Variants in ATXN7 observed in about 807,000 individuals in gnomAD.
ATXN7 encodes the protein ataxin 7, also known as ataxin-7.
A neutral mutation model predicts 70.5 loss-of-function variants in ATXN7; 12 were observed. The ratio of observed to expected loss-of-function variants is 0.17; its 90% CI spans 0.11 to 0.28. The LOEUF (loss-of-function observed/expected upper bound fraction) is 0.28, where lower values mean the gene tolerates loss of function less well. Among genes scored for constraint, ATXN7 ranks in the 10% least tolerant of loss-of-function variants. The pLI, the probability that ATXN7 is intolerant of heterozygous loss-of-function variation, is 1.00. For synonymous variants in ATXN7, 498 were observed against 448.7 expected (o/e 1.11, Z -1.39); for missense variants, 1,256 against 1,131.7 (o/e 1.11, Z -1.58).
chr3:63,954,914 G>A (rs971866385), intron 5 of ATXN7, among the ~76,000 whole-genome samples: 4 of 151,842 alleles, frequency 2.6e-5, no homozygotes, highest in Non-Finnish European at 5.9e-5. Flanking sequence ...TCACCATGTT[G>A]GCCAGGCTGG....
chr3:63,990,145 C>T (rs1447964145), intron 9 of ATXN7, 31 bp from the exon 10 acceptor site: 2 of 1,606,870 alleles, frequency 1.2e-6, no homozygotes, highest in Admixed American at 3.3e-5. Context: ...GGTGTGTGAT[C>T]TGATCCGTGC....
At chr3:63,922,256 GGT>G (rs1559633183) in intron 4 of ATXN7, among the ~76,000 whole-genome samples, 2 of 151,962 alleles carry the variant, frequency 1.3e-5, no homozygotes, top group Non-Finnish European at 2.9e-5. Flanking sequence ...TGCCCAGGCT[GGT>G]CTCAAACTCT....
At position 64,002,813 on chromosome 3, in the gene ATXN7, C is replaced by T. The variant is rs910179182; in HGVS notation, c.*3346C>T. 6.6e-6 allele frequency: 1 copy of T among 152,096 alleles called. No homozygotes were observed. The highest frequency in any genetic ancestry group is 2.4e-5 in the African/African-American group (1 of 41,406). 9.4% of individuals were successfully genotyped at this position (152,096 alleles called of 1,614,324 possible). Reference sequence around the variant, plus strand: ...GATTGCCTGGTGGCACCAAGGGTTACAGATCTTTTTGTCAGCCAGCAACTT... The same window carrying T: ...GATTGCCTGGTGGCACCAAGGGTTATAGATCTTTTTGTCAGCCAGCAACTT... On this transcript the variant is annotated 3_prime_UTR_variant, in exon 13 of 13. Coordinates refer to ENST00000674280, the MANE Select transcript of ATXN7 (RefSeq NM_001377405.1).
intron 11 of ATXN7, chr3:63,991,080 A>G: frequency 1.7e-6 from 1 of 593,866 alleles, no homozygotes; most frequent in Non-Finnish European, 2.9e-6. Context: ...GGACTCCCAC[A>G]TGTATGGAGC....
chr3:63,982,570 A>G, intron 7 of ATXN7, 125 bp downstream of exon 7: 3 of 856,018 alleles, frequency 3.5e-6, no homozygotes, highest in Non-Finnish European at 5.3e-6. Flanking sequence ...TTTAGGAGGA[A>G]GTTCCTTAGT....
At chr3:63,950,185 A>G (rs1368859490) in intron 4 of ATXN7, among the ~76,000 whole-genome samples, 1 of 152,234 alleles carries the variant, frequency 6.6e-6, no homozygotes, top group East Asian at 1.9e-4. Context: ...GCAAAAAAGA[A>G]TAATTTTGTA....
chr3:63,947,311 C>A (rs564342225), intron 4 of ATXN7, among the ~76,000 whole-genome samples: 2 of 152,206 alleles, frequency 1.3e-5, no homozygotes, highest in East Asian at 3.9e-4. Context: ...GCTGGCCAGG[C>A]GCAGTAGCTC....
At chr3:63,975,100 A>G (rs1287607126) in intron 5 of ATXN7, among the ~76,000 whole-genome samples, 1 of 152,192 alleles carries the variant, frequency 6.6e-6, no homozygotes, top group Non-Finnish European at 1.5e-5. Flanking sequence ...AAATTTCAAC[A>G]TGTTCGAATT....
chr3:63,892,951 T>C (rs892146174), intron 1 of ATXN7, among the ~76,000 whole-genome samples: 7 of 152,140 alleles, frequency 4.6e-5, no homozygotes, highest in Non-Finnish European at 8.8e-5. Context: ...CAAGGAGGCA[T>C]GAACAACAGG....
At chr3:63,863,495 C>G, upstream of ATXN7, 1 of 1,179,374 alleles carries the variant, frequency 8.5e-7, no homozygotes, top group Non-Finnish European at 1.0e-6. Flanking sequence ...GACCACGCTC[C>G]CGGCACACCC....
chr3:63,881,043 T>C (rs181778302), intron 1 of ATXN7, among the ~76,000 whole-genome samples: 1 of 152,340 alleles, frequency 6.6e-6, no homozygotes, highest in Non-Finnish European at 1.5e-5. Flanking sequence ...ATCTGTAGAA[T>C]GGGAATAATG....
Position 63,988,181 on chromosome 3 carries a change from A to G in ATXN7, c.1218A>G (p.Gln406=). ...TGATTCGCCATCCGGACTCTCAGCA[A>G]CCACCGCAGCCTCTCAGGGACCCGC... is the stretch of plus-strand genomic sequence containing the variant. ...KELIRHPDSQ[Q]PPQPLRDPHP... The change falls in exon 9 of 13, where the codon CAA becomes CAG. Residue 406 remains glutamine (Q), a synonymous_variant. Coordinates refer to ENST00000674280, the MANE Select transcript of ATXN7 (RefSeq NM_001377405.1). 1.2e-6 allele frequency: 2 copies of G among 1,614,104 alleles called. No homozygotes were observed. The highest frequency in any genetic ancestry group is 1.7e-6 in the Non-Finnish European group (2 of 1,180,006).
chr3:63,982,354 G>C lies in ATXN7; in HGVS notation c.921G>C (p.Leu307=), dbSNP rs1460921978. The part of the protein sequence containing the change: ...KPTLPSPGQI[L]NGKGLPAPPT... ...CCTTGCCTTCACCTGGACAGATTCT[G>C]AATGGCAAAGGGCTTCCTGCACCGC... Residue 307 remains leucine, a synonymous_variant, in exon 7 of 13, where the codon CTG becomes CTC. Transcript: ENST00000674280. 1 of 1,614,130 alleles carries C rather than the reference G, an allele frequency of 6.2e-7. No individual in the cohort carries two copies. Among genetic ancestry groups the C allele is most frequent in the Admixed American group, 1.7e-5 (1 of 60,020 alleles).
chr3:63,985,786 A>C (rs915228524), intron 8 of ATXN7, among the ~76,000 whole-genome samples: 1 of 152,168 alleles, frequency 6.6e-6, no homozygotes, highest in Non-Finnish European at 1.5e-5. Context: ...GCCTTTGTCC[A>C]TTCACTCATT....
In ATXN7 at chr3:63,980,151, G is replaced by A; in HGVS notation, c.736G>A (p.Val246Ile). 2 of 1,614,178 alleles carry A rather than the reference G, an allele frequency of 1.2e-6. No homozygotes were observed. The highest frequency in any genetic ancestry group is 8.5e-7 in the Non-Finnish European group (1 of 1,180,030). The change falls in exon 6 of 13, where the codon GTT becomes ATT. Residue 246 changes from valine to isoleucine, a missense_variant. Transcript: ENST00000674280. ...AATGCATCCCATTCAGCAAAGTAGA[G>A]TTCCCCATGGTAGAATGTGAGTATG... ...RPMHPIQQSR[V>I]PHGRIMTPSV...
In ATXN7 at chr3:63,995,867, C is replaced by A; in HGVS notation, c.2045C>A (p.Pro682His). Reference protein sequence around the residue: ...QKLKSSKSLRPKESSGNSTNC... With the variant: ...QKLKSSKSLRHKESSGNSTNC... Reference sequence around the variant, plus strand: ...TTGAAATCCAGCAAATCTTTGAGGCCCAAGGAGTCTTCTGGTAACAGCACT... The same window carrying A: ...TTGAAATCCAGCAAATCTTTGAGGCACAAGGAGTCTTCTGGTAACAGCACT... The change falls in exon 12 of 13, where the codon CCC becomes CAC. Residue 682 changes from proline (P) to histidine (H), a missense_variant. By Grantham distance (77) the Pro-to-His change is moderately conservative (BLOSUM62 -2). Transcript: ENST00000674280. The A allele has an allele frequency of 6.2e-7, 1 of 1,614,192 alleles. No individual in the cohort carries two copies. Among genetic ancestry groups the A allele is most frequent in the Non-Finnish European group, 8.5e-7 (1 of 1,180,034 alleles).
In ATXN7 at chr3:64,002,686, T is replaced by C. The variant is rs574788994; in HGVS notation, c.*3219T>C. 3.3e-5 allele frequency: 5 copies of C among 152,168 alleles called. No individual in the cohort carries two copies. Among genetic ancestry groups the C allele is most frequent in the Non-Finnish European group, 2.9e-5 (2 of 68,032 alleles). 9.4% of individuals were successfully genotyped at this position (152,168 alleles called of 1,614,324 possible). A position where few individuals can be genotyped will look rare whatever the true frequency, so the allele number is the denominator to read the frequency against. ...TTGCTTTTTCCACCTAAATATTGTT[T>C]CTAAAATTTTAGGGGCGGAGTTGAA... is the stretch of plus-strand genomic sequence containing the variant. On this transcript the variant is annotated 3_prime_UTR_variant, in exon 13 of 13. Transcript: ENST00000674280.
At chr3:63,966,657 G>A (rs968019683) in intron 5 of ATXN7, among the ~76,000 whole-genome samples, 1 of 152,112 alleles carries the variant, frequency 6.6e-6, no homozygotes, top group African/African-American at 2.4e-5. Flanking sequence ...TGAAAATAGG[G>A]CAGTGCAGCT....
At chr3:63,921,529 A>C (rs190076515) in intron 4 of ATXN7, among the ~76,000 whole-genome samples, 1 of 152,216 alleles carries the variant, frequency 6.6e-6, no homozygotes, top group Non-Finnish European at 1.5e-5. Flanking sequence ...AAGAGTATCT[A>C]TTTTGGTGTT....
Sources: gnomAD v4.1 joint callset for allele counts (sites outside exome capture counted in the v4.1 genomes callset) on GRCh38, gnomAD v4.1.1 for gene constraint, MANE v1.5 for transcripts, NCBI Gene and HGNC (gene_info 2026-07-23, HGNC 2026-07-21) for gene names.